PKD1L1: variants seen among roughly 807,000 people sequenced by gnomAD.
PKD1L1 encodes the protein polycystin-1-like protein 1.
In PKD1L1, 236 loss-of-function variants were observed where a neutral mutation model predicts 323.4. The observed-to-expected ratio is 0.73, with a 90% CI of 0.66 to 0.81. The LOEUF (loss-of-function observed/expected upper bound fraction) is 0.81. Among genes scored for constraint, PKD1L1 ranks in the 40% least tolerant of loss-of-function variants. PKD1L1 has a pLI of 0.00. For missense variants in PKD1L1, 3,320 were observed against 3,508.0 expected (o/e 0.95, Z 1.35); for synonymous variants, 1,344 against 1,335.0 (o/e 1.01, Z -0.15).
intron 21 of PKD1L1, among the ~76,000 whole-genome samples, chr7:47,879,662 G>C (rs987827345): frequency 7.4e-6 from 1 of 135,078 alleles, no homozygotes; most frequent in African/African-American, 2.9e-5. Context: ...GGCCAGGCAC[G>C]GTGGCTCACG....
chr7:47,901,094 C>T (rs1300154726), intron 13 of PKD1L1, among the ~76,000 whole-genome samples: 3 of 151,786 alleles, frequency 2.0e-5, no homozygotes, highest in African/African-American at 4.8e-5. Flanking sequence ...AATCCCAGAA[C>T]TCTGGGAGGC....
the PKD1L1 span, among the ~76,000 whole-genome samples, chr7:47,960,366 TAA>T: frequency 4.5e-5 from 1 of 22,072 alleles, no homozygotes; most frequent in Non-Finnish European, 9.3e-5. Flanking sequence ...GAATGATCAA[TAA>T]AAAAAAATTA....
At chr7:47,833,436 G>C (rs1393529638) in intron 40 of PKD1L1, among the ~76,000 whole-genome samples, 184 bp from the exon 41 acceptor site, 1 of 152,218 alleles carries the variant, frequency 6.6e-6, no homozygotes, top group East Asian at 1.9e-4. Context: ...CGGCTCCTTT[G>C]TACCCCTTGG....
chr7:47,885,527 T>C (rs1786662537), intron 18 of PKD1L1, among the ~76,000 whole-genome samples, 159 bp downstream of exon 18: 2 of 152,208 alleles, frequency 1.3e-5, no homozygotes, highest in African/African-American at 2.4e-5. Context: ...ACTCGATGAC[T>C]ATTGCACAAC....
intron 7 of PKD1L1, among the ~76,000 whole-genome samples, chr7:47,921,338 C>T (rs780203437): frequency 4.0e-5 from 6 of 150,628 alleles, no homozygotes; most frequent in East Asian, 1.9e-4. Context: ...AACTGCAATG[C>T]GATACCACTT....
chr7:47,822,646 A>T lies in PKD1L1; in HGVS notation c.6855-1460T>A, dbSNP rs116746229. Among the ~76,000 whole-genome samples the T allele has an allele frequency of 2.5e-3, 374 of 151,508 alleles. 3 individuals carry two copies. Among genetic ancestry groups the T allele is most frequent in the African/African-American group, 8.4e-3 (348 of 41,356 alleles). On this transcript the variant is annotated intron_variant, in intron 45 of 56. Transcript: ENST00000289672. ...AGCTGTGGTATTGCATTGAAACTAC[A>T]GATCAAATTAGAAAGAATAGACTTC...
At chr7:47,888,702 A>G (rs1451497371) in intron 16 of PKD1L1, among the ~76,000 whole-genome samples, 1 of 152,202 alleles carries the variant, frequency 6.6e-6, no homozygotes, top group Non-Finnish European at 1.5e-5. Flanking sequence ...GTTGTGGGTC[A>G]TGGGCAGTTC....
At chr7:47,879,831 G>A (rs552356029) in intron 21 of PKD1L1, among the ~76,000 whole-genome samples, 1 of 148,568 alleles carries the variant, frequency 6.7e-6, no homozygotes, top group Non-Finnish European at 1.5e-5. Context: ...TATTCGGGAG[G>A]CTGAGGCAGG....
chr7:47,820,123 T>C (rs751764904), intron 46 of PKD1L1, among the ~76,000 whole-genome samples: 1 of 152,198 alleles, frequency 6.6e-6, no homozygotes, highest in South Asian at 2.1e-4. Flanking sequence ...GACTGACTGT[T>C]TGTGGCAGGT....
rs2128749297 is a variant in PKD1L1 at position 47,894,121 on chromosome 7, AAC to A, written c.2272-64_2272-63del. The stretch of plus-strand genomic sequence containing the variant: ...GGACAAGGCAGGGACTCACTGGAGA[AAC>A]ACACTAGTCTGAAAATTAGAAAGGA... On this transcript the variant is annotated intron_variant, in intron 14 of 56. Coordinates refer to ENST00000289672, the MANE Select transcript of PKD1L1 (RefSeq NM_138295.5). The A allele has an allele frequency of 3.5e-6, 5 of 1,421,416 alleles. 1 individual carries two copies. The South Asian group carries it at 5.7e-5, about 16-fold the overall frequency. The allele number at this position is 1,421,416 out of a possible 1,614,324, so 88.1% of individuals were successfully genotyped here.
intron 50 of PKD1L1, 120 bp downstream of exon 50, chr7:47,811,697 G>A (rs1001377811): frequency 2.7e-6 from 2 of 749,100 alleles, no homozygotes; most frequent in Non-Finnish European, 4.4e-6. Flanking sequence ...GACAAAGAGT[G>A]TGACCGGAGG....
intron 9 of PKD1L1, among the ~76,000 whole-genome samples, chr7:47,907,507 C>T (rs543748977): frequency 9.2e-5 from 14 of 152,300 alleles, no homozygotes; most frequent in South Asian, 6.2e-4. Flanking sequence ...GGTAGCTGTG[C>T]GGATAAAGTG....
At chr7:47,894,495 A>C (rs1429115238) in intron 14 of PKD1L1, among the ~76,000 whole-genome samples, 3 of 152,168 alleles carry the variant, frequency 2.0e-5, no homozygotes, top group African/African-American at 7.2e-5. Context: ...TTTAAGACAA[A>C]TACTTTTAAA....
chr7:47,866,235 G>A (rs895833443), intron 25 of PKD1L1, among the ~76,000 whole-genome samples, 184 bp downstream of exon 25: 1 of 152,182 alleles, frequency 6.6e-6, no homozygotes, highest in Admixed American at 6.5e-5. Context: ...ATTCATTTGT[G>A]ATACATATGA....
At position 47,812,004 on chromosome 7, in the gene PKD1L1, A is replaced by G. The variant is rs749817008; in HGVS notation, c.7394T>C (p.Ile2465Thr). 32 of 1,585,932 alleles carry G rather than the reference A, an allele frequency of 2.0e-5. No individual in the cohort carries two copies. The East Asian group carries it at 6.7e-4, about 33-fold the overall frequency. ...ALSRLRASMW[I>T]DRSTRAVSVH... ...AGACACAGCCCTGGTGCTGCGGTCA[A>G]TCCACATGCTGGCCCTGAGTCGGGA... The change falls in exon 50 of 57, where the codon ATT (isoleucine) becomes ACT (threonine). Residue 2465 changes from isoleucine (I) to threonine (T), a missense_variant. Ile to Thr is a moderately conservative substitution (Grantham distance 89, BLOSUM62 -1). Transcript: ENST00000289672.
rs778483822 is a variant in PKD1L1, at chr7:47,894,040, A to G, written c.2291T>C (p.Val764Ala). 6.3e-7 allele frequency: 1 copy of G among 1,578,674 alleles called. No individual in the cohort carries two copies. Among genetic ancestry groups the G allele is most frequent in the Middle Eastern group, 1.7e-4 (1 of 5,834 alleles). Residue 764 changes from valine to alanine, a missense_variant, in exon 15 of 57, where the codon GTG (valine) becomes GCG (alanine). Val to Ala is a moderately conservative substitution (Grantham distance 64). Coordinates refer to ENST00000289672, the MANE Select transcript of PKD1L1 (RefSeq NM_138295.5). ...GCCCACACAGTAGTTGCTGTACACC[A>G]CACTGCCTTCAATCTGAACCTGCAG... ...ALAKVQIEGS[V>A]VYSNYCVGLE...
intron 21 of PKD1L1, among the ~76,000 whole-genome samples, chr7:47,879,618 G>GGGACTC (rs1786487078): frequency 2.5e-5 from 3 of 121,912 alleles, no homozygotes. Context: ...GGGCAACAGA[G>GGGACTC]CAAGACTTTG....
At chr7:47,927,166 G>A (rs914579467) in intron 7 of PKD1L1, among the ~76,000 whole-genome samples, 1 of 151,422 alleles carries the variant, frequency 6.6e-6, no homozygotes, top group Non-Finnish European at 1.5e-5. Flanking sequence ...ATGAAAAAAA[G>A]GTTGATAAAG....
At position 47,865,210 on chromosome 7, in the gene PKD1L1, A is replaced by C. The variant is rs747073973; in HGVS notation, c.4149+6T>G. The C allele has an allele frequency of 2.5e-6, 4 of 1,609,922 alleles. No individual in the cohort carries two copies. The highest frequency in any genetic ancestry group is 3.4e-6 in the Non-Finnish European group (4 of 1,177,316). On this transcript the variant is annotated splice_donor_region_variant and intron_variant, in intron 26 of 56. Coordinates refer to ENST00000289672, the MANE Select transcript of PKD1L1 (RefSeq NM_138295.5). The stretch of plus-strand genomic sequence containing the variant: ...GAAAATATTTCTGGGAAAAAATTGC[A>C]CTTACCTTATTAGAGAAGCTCACGA...
Sources: gnomAD v4.1 joint callset for allele counts (sites outside exome capture counted in the v4.1 genomes callset) on GRCh38, gnomAD v4.1.1 for gene constraint, MANE v1.5 for transcripts, NCBI Gene and HGNC (gene_info 2026-07-23, HGNC 2026-07-21) for gene names.